The following TMEM117 variants were observed in gnomAD, a reference collection of about 807,000 sequenced individuals.
The protein encoded by TMEM117 is transmembrane protein 117.
TMEM117 carries 27 observed loss-of-function variants against 52.4 expected under a neutral mutation model. The ratio of observed to expected loss-of-function variants is 0.51; its 90% CI spans 0.38 to 0.71. The LOEUF is 0.71. TMEM117 is among the 30% of genes least tolerant of loss of function. TMEM117 has a pLI of 0.00. For missense variants in TMEM117, 556 were observed against 630.5 expected, an observed-to-expected ratio of 0.88 and a Z score of 1.26; for synonymous variants, 215 against 206.3, an observed-to-expected ratio of 1.04 and a Z score of -0.36.
At chr12:43,806,591 C>T in the TMEM117 span, among the ~76,000 whole-genome samples, 1 of 152,212 alleles carries the variant, frequency 6.6e-6, no homozygotes, top group Admixed American at 6.5e-5. Context: ...ACCCCGCCGA[C>T]GCCGCCATTC....
At chr12:43,802,346 A>C in the TMEM117 span, 6 of 1,596,368 alleles carry the variant, frequency 3.8e-6, no homozygotes, top group Non-Finnish European at 4.3e-6. Flanking sequence ...CATTCTGAGA[A>C]TCTAACCTGA....
intron 2 of TMEM117, among the ~76,000 whole-genome samples, chr12:43,938,721 C>G (rs61932981): frequency 6.6e-6 from 1 of 151,830 alleles, no homozygotes; most frequent in African/African-American, 2.4e-5. Flanking sequence ...TGAGAAGGGC[C>G]GGGCATGGTG....
At chr12:43,879,528 G>A (rs1026977243) in intron 2 of TMEM117, among the ~76,000 whole-genome samples, 5 of 152,098 alleles carry the variant, frequency 3.3e-5, no homozygotes, top group Admixed American at 2.0e-4. Flanking sequence ...GTATCAATGC[G>A]TATAGCTAAC....
chr12:44,231,537 A>T (rs1293480742), intron 5 of TMEM117, among the ~76,000 whole-genome samples: 1 of 151,728 alleles, frequency 6.6e-6, no homozygotes, highest in African/African-American at 2.4e-5. Context: ...TTTCACCTTC[A>T]CTAGATAATC....
At chr12:44,129,577 G>A (rs1948382118) in intron 3 of TMEM117, among the ~76,000 whole-genome samples, 1 of 152,152 alleles carries the variant, frequency 6.6e-6, no homozygotes, top group African/African-American at 2.4e-5. Context: ...TTGCTTCGAG[G>A]TGACTTCCTG....
At chr12:43,839,910 C>T (rs1943090611) in intron 1 of TMEM117, among the ~76,000 whole-genome samples, 1 of 152,202 alleles carries the variant, frequency 6.6e-6, no homozygotes, top group Non-Finnish European at 1.5e-5. Flanking sequence ...CAGTAAAATA[C>T]AGACCAACAC....
intron 6 of TMEM117, among the ~76,000 whole-genome samples, chr12:44,338,378 G>T (rs555983837): frequency 9.7e-4 from 147 of 152,036 alleles, no homozygotes; most frequent in African/African-American, 3.3e-3. Flanking sequence ...ATATAAATTT[G>T]TATTCTGGTC....
At chr12:43,950,958 C>T (rs1303778628) in intron 3 of TMEM117, among the ~76,000 whole-genome samples, 1 of 152,116 alleles carries the variant, frequency 6.6e-6, no homozygotes, top group Non-Finnish European at 1.5e-5. Flanking sequence ...CCCAGTTCAT[C>T]CTACTGGGAC....
intron 7 of TMEM117, among the ~76,000 whole-genome samples, chr12:44,382,849 C>T (rs1351165264): frequency 1.3e-5 from 2 of 152,114 alleles, no homozygotes; most frequent in African/African-American, 4.8e-5. Context: ...AAATGGCCTC[C>T]TCATGACCCA....
At chr12:44,070,415 T>C (rs1947284546) in intron 3 of TMEM117, among the ~76,000 whole-genome samples, 1 of 152,198 alleles carries the variant, frequency 6.6e-6, no homozygotes, top group South Asian at 2.1e-4. Flanking sequence ...ACAGTTAAAA[T>C]ATTTTCATTC....
intron 5 of TMEM117, among the ~76,000 whole-genome samples, chr12:44,294,214 T>A (rs1396247524): frequency 6.6e-6 from 1 of 152,164 alleles, no homozygotes; most frequent in African/African-American, 2.4e-5. Flanking sequence ...CTCTTTTCCC[T>A]TGCTGCTTTA....
chr12:43,968,355 G>A (rs995395803), intron 3 of TMEM117, among the ~76,000 whole-genome samples: 1 of 152,180 alleles, frequency 6.6e-6, no homozygotes, highest in Non-Finnish European at 1.5e-5. Flanking sequence ...GTAGCACATG[G>A]CACCCAAGTG....
intron 6 of TMEM117, among the ~76,000 whole-genome samples, chr12:44,341,582 G>A (rs1174178583): frequency 1.3e-5 from 2 of 152,096 alleles, no homozygotes; most frequent in Non-Finnish European, 2.9e-5. Flanking sequence ...TGGGAATGTA[G>A]GGTTGGTGTT....
intron 4 of TMEM117, among the ~76,000 whole-genome samples, chr12:44,179,260 TACACAATTGGCTC>T (rs112590201): frequency 0.073 from 11,032 of 152,120 alleles, 564 homozygotes; most frequent in Middle Eastern, 0.16. Flanking sequence ...AGAATTGGCT[TACACAATTGGCTC>T]ACACAATTAC....
chr12:44,101,076 GA>G (rs1260022266), intron 3 of TMEM117, among the ~76,000 whole-genome samples: 1 of 151,804 alleles, frequency 6.6e-6, no homozygotes, highest in Non-Finnish European at 1.5e-5. Flanking sequence ...ATAGTAAAAG[GA>G]AAAGGCAGCT....
At chr12:44,056,273 A>G (rs1385608882) in intron 3 of TMEM117, among the ~76,000 whole-genome samples, 5 of 152,100 alleles carry the variant, frequency 3.3e-5, no homozygotes. Flanking sequence ...TTTTTTAAAT[A>G]TATTAACAAA....
At chr12:43,960,240 G>T (rs1565770369) in intron 3 of TMEM117, among the ~76,000 whole-genome samples, 1 of 152,040 alleles carries the variant, frequency 6.6e-6, no homozygotes, top group Non-Finnish European at 1.5e-5. Flanking sequence ...AGAAAGGCTG[G>T]AAATGAATGG....
At position 44,213,116 on chromosome 12, in the gene TMEM117, A is replaced by T. The variant is rs188185065; in HGVS notation, c.608+1729A>T. On this transcript the variant is annotated intron_variant, in intron 5 of 7. Coordinates refer to ENST00000266534, the MANE Select transcript of TMEM117 (RefSeq NM_032256.3). ...TTTCTGAATAATATATAATTTAATG[A>T]TTATAAGAAATATTTATTGATAGTA... Among the ~76,000 whole-genome samples, 943 of 152,288 alleles carry T rather than the reference A, an allele frequency of 6.2e-3. 9 individuals are homozygous for T. Among genetic ancestry groups the T allele is most frequent in the African/African-American group, 0.021 (864 of 41,566 alleles).
At chr12:44,146,586 A>C (rs545294145) in intron 4 of TMEM117, among the ~76,000 whole-genome samples, 4 of 152,360 alleles carry the variant, frequency 2.6e-5, no homozygotes, top group African/African-American at 9.6e-5. Flanking sequence ...CACAGGGAGG[A>C]TTCCCAGAGC....
Sources: allele counts gnomAD v4.1 joint callset (sites outside exome capture counted in the v4.1 genomes callset), GRCh38; gene constraint gnomAD v4.1.1; transcripts MANE v1.5; gene names NCBI Gene and HGNC (gene_info 2026-07-23, HGNC 2026-07-21).